Variants in ZSCAN30 observed in about 807,000 individuals in gnomAD.
The protein encoded by ZSCAN30 is zinc finger and SCAN domain-containing protein 30.
ZSCAN30 carries 37 observed loss-of-function variants against 44.3 expected under a neutral mutation model. That is an observed-to-expected ratio of 0.84 (90% CI 0.64 to 1.10). The LOEUF is 1.10. Among genes scored for constraint, ZSCAN30 ranks in the 50% least tolerant of loss-of-function variants. The pLI is 0.00. For missense variants in ZSCAN30, 549 were observed against 582.6 expected, an observed-to-expected ratio of 0.94 and a Z score of 0.59; for synonymous variants, 181 against 204.6, an observed-to-expected ratio of 0.88 and a Z score of 0.98.
At chr18:35,276,168 G>C (rs1358215765) in intron 1 of ZSCAN30, among the ~76,000 whole-genome samples, 1 of 152,170 alleles carries the variant, frequency 6.6e-6, no homozygotes, top group South Asian at 2.1e-4. Context: ...GAAATGAGAT[G>C]GAAGATATTC....
chr18:35,266,384 A>G (rs2044149725), intron 1 of ZSCAN30, among the ~76,000 whole-genome samples: 1 of 152,084 alleles, frequency 6.6e-6, no homozygotes, highest in African/African-American at 2.4e-5. Flanking sequence ...AGACTGTGAG[A>G]GACTGAGCTA....
At chr18:35,255,971 C>A in intron 3 of ZSCAN30, among the ~76,000 whole-genome samples, 1 of 152,034 alleles carries the variant, frequency 6.6e-6, no homozygotes, top group East Asian at 1.9e-4. Context: ...ATAAATAGGT[C>A]AAATTATTAA....
At chr18:35,286,682 T>G (rs991524334) in intron 1 of ZSCAN30, among the ~76,000 whole-genome samples, 2 of 152,010 alleles carry the variant, frequency 1.3e-5, no homozygotes, top group Admixed American at 1.3e-4. Flanking sequence ...AGAGAAAGGA[T>G]GCTTAAGATT....
chr18:35,265,732 G>A (rs901584864), intron 1 of ZSCAN30, among the ~76,000 whole-genome samples: 3 of 152,214 alleles, frequency 2.0e-5, no homozygotes, highest in Non-Finnish European at 4.4e-5. Flanking sequence ...GTGCTAGATA[G>A]CGTACCAAAG....
At chr18:35,259,365 T>G (rs2043956534) in intron 3 of ZSCAN30, 1 of 152,188 alleles carries the variant, frequency 6.6e-6, no homozygotes, top group Non-Finnish European at 1.5e-5. Context: ...CTAATTTTTG[T>G]ATTTTTAGTA....
chr18:35,271,884 G>T (rs1053772964), intron 1 of ZSCAN30, among the ~76,000 whole-genome samples: 3 of 152,006 alleles, frequency 2.0e-5, no homozygotes, highest in Middle Eastern at 3.2e-3. Flanking sequence ...GCAGCTGCTG[G>T]CCCGGGTGCT....
In ZSCAN30 at chr18:35,253,667, C is replaced by T. The variant is rs547472221; in HGVS notation, c.1268G>A (p.Gly423Asp). The T allele has an allele frequency of 2.5e-5, 40 of 1,614,142 alleles. No individual in the cohort carries two copies. Among genetic ancestry groups the T allele is most frequent in the East Asian group, 1.3e-4 (6 of 44,888 alleles). ...YECIACGKAF[G>D]RSSILIEHQR... is the part of the protein sequence containing the mutation. ...ATGTTCAATAAGGATAGAACTCCTA[C>T]CAAAAGCCTTACCACATGCAATACA... Residue 423 changes from glycine to aspartate, a missense_variant, in exon 4 of 4, where the codon GGT becomes GAT. Gly to Asp is a moderately conservative substitution (Grantham distance 94, BLOSUM62 -1). Coordinates refer to ENST00000333206, the MANE Select transcript of ZSCAN30 (RefSeq NM_001112734.4).
At chr18:35,256,967 G>C (rs62096498) in intron 3 of ZSCAN30, 4,946 of 153,664 alleles carry the variant, frequency 0.032, 108 homozygotes, top group Non-Finnish European at 0.049. Flanking sequence ...GTAGACACGG[G>C]GTCTTGCCAT....
intron 3 of ZSCAN30, chr18:35,262,943 G>A (rs74406501): frequency 0.028 from 4,532 of 164,752 alleles, 79 homozygotes; most frequent in African/African-American, 0.053. Flanking sequence ...ACACTTAGTA[G>A]TTAATAATTC....
At chr18:35,271,172 G>T (rs916870883) in intron 1 of ZSCAN30, among the ~76,000 whole-genome samples, 2 of 152,158 alleles carry the variant, frequency 1.3e-5, no homozygotes, top group African/African-American at 4.8e-5. Flanking sequence ...ACCCCACCAG[G>T]TTCCTGCTGC....
chr18:35,253,868 G>A lies in ZSCAN30; in HGVS notation c.1067C>T (p.Pro356Leu). 1.2e-6 allele frequency: 2 copies of A among 1,614,064 alleles called. No homozygotes were observed. The highest frequency in any genetic ancestry group is 1.7e-6 in the Non-Finnish European group (2 of 1,180,018). Residue 356 changes from proline (P) to leucine (L), a missense_variant, in exon 4 of 4, where the codon CCC becomes CTC. Physicochemically the swap from Pro to Leu is moderately conservative, Grantham distance 98 (BLOSUM62 -3). Transcript: ENST00000333206. Reference protein sequence around the residue: ...RHQRIHSGEKPYECCECGKAF... With the variant: ...RHQRIHSGEKLYECCECGKAF... ...TTTTCCACATTCACAACATTCATAG[G>A]GTTTTTCACCACTATGAATTCTCTG...
At position 35,263,731 on chromosome 18, in the gene ZSCAN30, GA is replaced by G. The variant is rs776821050; in HGVS notation, c.409-75del. The G allele has an allele frequency of 7.9e-5, 122 of 1,545,290 alleles. No individual in the cohort carries two copies. The Admixed American group carries it at 1.5e-3, about 19-fold the overall frequency. ...GAAAACTCCTAGAGCAACAGGGCAG[GA>G]ACAGAAGAATCAAAAACTCATTCAA... is the stretch of plus-strand genomic sequence containing the variant. On this transcript the variant is annotated intron_variant, in intron 2 of 3. Coordinates refer to ENST00000333206, the MANE Select transcript of ZSCAN30 (RefSeq NM_001112734.4).
In ZSCAN30 at chr18:35,254,046, T is replaced by C; in HGVS notation, c.889A>G (p.Arg297Gly). 6.2e-7 allele frequency: 1 copy of C among 1,614,194 alleles called. No individual in the cohort carries two copies. The highest frequency in any genetic ancestry group is 1.1e-5 in the South Asian group (1 of 91,090). The part of the protein sequence containing the change: ...NDITQQSVDT[R>G]EKLYECFDCG... ...TCAAAGCACTCATAGAGCTTTTCCC[T>C]AGTGTCAACGCTCTGTTGTGTAATA... is the stretch of plus-strand genomic sequence containing the variant. The change falls in exon 4 of 4, where the codon AGG becomes GGG. Residue 297 changes from arginine to glycine, a missense_variant. By Grantham distance (125) the Arg-to-Gly change is moderately radical (BLOSUM62 -2). Transcript: ENST00000333206.
chr18:35,270,325 C>T (rs944763059), intron 1 of ZSCAN30: 3 of 152,118 alleles, frequency 2.0e-5, no homozygotes, highest in Admixed American at 1.3e-4. Flanking sequence ...AATAGGGGAA[C>T]GAGGGAACAA....
At chr18:35,254,450 A>G in intron 3 of ZSCAN30, 69 bp from the exon 4 acceptor site, 2 of 1,610,048 alleles carry the variant, frequency 1.2e-6, no homozygotes, top group East Asian at 4.5e-5. Context: ...TGTAGCAGGA[A>G]CACAAACTCA....
In ZSCAN30 at chr18:35,263,507, TC is replaced by T. The variant is rs558953416; in HGVS notation, c.553+5del. ...CCTCAACCCCACATGGACTGGGGCT[TC>T]TCACCTCTCTCCTGGAAAGCCTGGG... On this transcript the variant is annotated splice_donor_5th_base_variant and intron_variant, in intron 3 of 3. Coordinates refer to ENST00000333206, the MANE Select transcript of ZSCAN30 (RefSeq NM_001112734.4). The T allele has an allele frequency of 4.3e-4, 688 of 1,614,142 alleles. 4 individuals are homozygous for T. The African/African-American group carries it at 8.2e-3, about 19-fold the overall frequency.
chr18:35,267,490 G>T (rs1195285048), intron 1 of ZSCAN30: 1 of 10,408 alleles, frequency 9.6e-5, no homozygotes, highest in Non-Finnish European at 1.2e-3. Flanking sequence ...CGCTCTACCG[G>T]CGGCGGCGGG....
At chr18:35,287,203 C>G (rs2044567402) in intron 1 of ZSCAN30, among the ~76,000 whole-genome samples, 1 of 152,098 alleles carries the variant, frequency 6.6e-6, no homozygotes, top group African/African-American at 2.4e-5. Context: ...GTTCATGGAT[C>G]AGATGACTCA....
In ZSCAN30 at chr18:35,288,807, G is replaced by A. The variant is rs938447842; in HGVS notation, c.-104+1277C>T. ...GGCATTGGGAGAGAGGCTTACCAAC[G>A]GGCAGGAGGAAACTTTTGGGGTTTA... On this transcript the variant is annotated intron_variant, in intron 1 of 3. Coordinates refer to ENST00000333206, the MANE Select transcript of ZSCAN30 (RefSeq NM_001112734.4). 3.3e-5 allele frequency among the ~76,000 whole-genome samples: 5 copies of A among 152,122 alleles called. No homozygotes were observed. In the East Asian group the frequency reaches 9.6e-4, roughly 29 times the overall value.
Sources: allele counts gnomAD v4.1 joint callset (sites outside exome capture counted in the v4.1 genomes callset), GRCh38; gene constraint gnomAD v4.1.1; transcripts MANE v1.5; gene names NCBI Gene and HGNC (gene_info 2026-07-23, HGNC 2026-07-21).